The following JMJD1C variants were observed in gnomAD, a reference collection of about 807,000 sequenced individuals.
JMJD1C encodes the protein jumonji domain-containing protein 1C.
A neutral mutation model predicts 245.3 loss-of-function variants in JMJD1C; 31 were observed. The observed-to-expected ratio is 0.13, with a 90% CI of 0.09 to 0.17. JMJD1C has a LOEUF of 0.17. JMJD1C is among the 10% of genes least tolerant of loss of function. The pLI is 1.00. For synonymous variants in JMJD1C, 1,057 were observed against 1,017.4 expected (o/e 1.04, Z -0.74); for missense variants, 2,691 against 3,000.2 (o/e 0.90, Z 2.41).
intron 2 of JMJD1C, among the ~76,000 whole-genome samples, chr10:63,344,964 T>C (rs936176053): frequency 3.9e-5 from 6 of 152,184 alleles, no homozygotes; most frequent in Non-Finnish European, 8.8e-5. Flanking sequence ...GAAAATAGTT[T>C]GGCAGCTGCT....
chr10:63,396,508 A>C (rs1482555902), intron 1 of JMJD1C, among the ~76,000 whole-genome samples: 1 of 152,210 alleles, frequency 6.6e-6, no homozygotes, highest in African/African-American at 2.4e-5. Flanking sequence ...TGCCAACTTG[A>C]GATTAAAGAC....
chr10:63,349,382 G>A (rs1025818157), intron 2 of JMJD1C, among the ~76,000 whole-genome samples: 3 of 152,178 alleles, frequency 2.0e-5, no homozygotes, highest in Admixed American at 6.5e-5. Flanking sequence ...AGAAGTTATC[G>A]ATACCAGTTT....
chr10:63,440,260 G>C (rs1055963686), intron 1 of JMJD1C, among the ~76,000 whole-genome samples: 1 of 151,632 alleles, frequency 6.6e-6, no homozygotes, highest in African/African-American at 2.4e-5. Context: ...GCTTGAACCT[G>C]GGAGATGGAG....
At chr10:63,521,535 C>G (rs753297717) in intron 1 of JMJD1C, 25 of 1,428,966 alleles carry the variant, frequency 1.7e-5, no homozygotes, top group South Asian at 2.9e-5. Context: ...GGGGCCCAAG[C>G]CCCCGTGAAG....
intron 2 of JMJD1C, among the ~76,000 whole-genome samples, chr10:63,377,751 CT>C (rs1946866446): frequency 6.6e-6 from 1 of 151,542 alleles, no homozygotes; most frequent in Non-Finnish European, 1.5e-5. Flanking sequence ...AAAAATTTAG[CT>C]AGGCATAGTG....
At chr10:63,290,711 A>T (rs1301568777) in intron 2 of JMJD1C, among the ~76,000 whole-genome samples, 2 of 152,206 alleles carry the variant, frequency 1.3e-5, no homozygotes, top group Non-Finnish European at 2.9e-5. Context: ...TTATGGAAAG[A>T]GATTAAAATA....
At chr10:63,291,595 A>G (rs945844388) in intron 2 of JMJD1C, among the ~76,000 whole-genome samples, 88 of 145,296 alleles carry the variant, frequency 6.1e-4, no homozygotes, top group African/African-American at 2.3e-3. Flanking sequence ...AGCCTGGGCA[A>G]AAAGAGTGAA....
chr10:63,331,780 A>G (rs992991503), intron 2 of JMJD1C, among the ~76,000 whole-genome samples: 1 of 152,024 alleles, frequency 6.6e-6, no homozygotes, highest in African/African-American at 2.4e-5. Context: ...ACCACGCCCA[A>G]CTAATTTTTC....
In JMJD1C at chr10:63,207,064, A is replaced by G. The variant is rs1484574419; in HGVS notation, c.4605T>C (p.Asn1535=). 1 of 1,614,160 alleles carries G rather than the reference A, an allele frequency of 6.2e-7. No individual in the cohort carries two copies. The highest frequency in any genetic ancestry group is 1.7e-5 in the Admixed American group (1 of 60,014). Residue 1535 remains asparagine (N), a synonymous_variant, in exon 10 of 26, where the codon AAT becomes AAC. Transcript: ENST00000399262. The part of the protein sequence containing the change: ...STINKANSVG[N]GQASQTSQPN... Reference sequence around the variant, plus strand: ...GTTGACTTGTCTGGGAAGCTTGCCCATTTCCTACAGAGTTTGCTTTGTTAA... The same window carrying G: ...GTTGACTTGTCTGGGAAGCTTGCCCGTTTCCTACAGAGTTTGCTTTGTTAA...
chr10:63,477,553 C>A (rs1326431849), intron 1 of JMJD1C, among the ~76,000 whole-genome samples: 2 of 126,676 alleles, frequency 1.6e-5, no homozygotes, highest in African/African-American at 2.9e-5. Context: ...ATCCATATGT[C>A]AAAAAAAAAA....
At chr10:63,248,549 A>C (rs1413235524) in intron 3 of JMJD1C, among the ~76,000 whole-genome samples, 1 of 151,632 alleles carries the variant, frequency 6.6e-6, no homozygotes, top group Non-Finnish European at 1.5e-5. Flanking sequence ...TAAATAAATA[A>C]ATAAATAAAT....
chr10:63,194,199 C>A, intron 14 of JMJD1C, 87 bp downstream of exon 14: 1 of 831,734 alleles, frequency 1.2e-6, no homozygotes, highest in Non-Finnish European at 2.1e-6. Context: ...TCTCTCCACC[C>A]TGTTATATTT....
chr10:63,504,757 G>A (rs1954664964), intron 1 of JMJD1C, among the ~76,000 whole-genome samples: 1 of 152,082 alleles, frequency 6.6e-6, no homozygotes, highest in Non-Finnish European at 1.5e-5. Flanking sequence ...GAAATAGGGG[G>A]CCAGACACAG....
chr10:63,242,358 T>C (rs1386982200), intron 3 of JMJD1C, among the ~76,000 whole-genome samples: 1 of 152,246 alleles, frequency 6.6e-6, no homozygotes, highest in African/African-American at 2.4e-5. Context: ...TTTAGTTTTA[T>C]TTAATTTACG....
intron 1 of JMJD1C, among the ~76,000 whole-genome samples, chr10:63,520,993 A>G (rs572664604): frequency 1.3e-5 from 2 of 152,294 alleles, no homozygotes; most frequent in South Asian, 4.1e-4. Context: ...GCTCTCCAAA[A>G]CCAGGGCCTG....
chr10:63,298,593 T>G (rs1242000752), intron 2 of JMJD1C, among the ~76,000 whole-genome samples: 1 of 152,182 alleles, frequency 6.6e-6, no homozygotes, highest in African/African-American at 2.4e-5. Flanking sequence ...AAAACCCTAT[T>G]TCTTAAGGTT....
chr10:63,187,024 GAAAC>G (rs1400761045), intron 18 of JMJD1C, among the ~76,000 whole-genome samples: 1 of 151,940 alleles, frequency 6.6e-6, no homozygotes, highest in Admixed American at 6.6e-5. Context: ...CCTGTCTCCA[GAAAC>G]AAACAAACAA....
intron 12 of JMJD1C, among the ~76,000 whole-genome samples, chr10:63,198,146 G>A (rs1304033365): frequency 2.6e-5 from 4 of 152,224 alleles, no homozygotes; most frequent in Non-Finnish European, 5.9e-5. Context: ...ATCCAGAGAG[G>A]TTATTTGCCA....
chr10:63,199,231 G>A (rs4291564), intron 11 of JMJD1C, among the ~76,000 whole-genome samples: 1,964 of 152,194 alleles, frequency 0.013, 21 homozygotes, highest in South Asian at 0.028. Context: ...TAGTTTTATA[G>A]GAACCCCATT....
Sources: allele counts gnomAD v4.1 joint callset (sites outside exome capture counted in the v4.1 genomes callset), GRCh38; gene constraint gnomAD v4.1.1; transcripts MANE v1.5; gene names NCBI Gene and HGNC (gene_info 2026-07-23, HGNC 2026-07-21).